NRG2: variants seen among roughly 807,000 people sequenced by gnomAD.
NRG2 encodes pro-neuregulin-2, membrane-bound isoform.
A neutral mutation model predicts 73.9 loss-of-function variants in NRG2; 27 were observed. The ratio of observed to expected loss-of-function variants is 0.37; its 90% confidence interval spans 0.27 to 0.50. NRG2 has a LOEUF of 0.50. NRG2 is among the 20% of genes least tolerant of loss of function. NRG2 has a pLI of 0.96. For synonymous variants in NRG2, 532 were observed against 541.0 expected, an observed-to-expected ratio of 0.98 and a Z score of 0.23; for missense variants, 1,126 against 1,210.1, an observed-to-expected ratio of 0.93 and a Z score of 1.03.
chr5:139,949,799 T>C (rs1754058543), intron 1 of NRG2, among the ~76,000 whole-genome samples: 1 of 152,228 alleles, frequency 6.6e-6, no homozygotes, highest in South Asian at 2.1e-4. Flanking sequence ...TAGGTGTTCA[T>C]ATTTACCAGC....
chr5:139,965,619 T>C (rs1256328374), intron 1 of NRG2, among the ~76,000 whole-genome samples: 1 of 152,242 alleles, frequency 6.6e-6, no homozygotes, highest in Non-Finnish European at 1.5e-5. Flanking sequence ...CTGACACTTC[T>C]GCTGATGAAT....
At chr5:140,031,837 T>C (rs891123404) in intron 1 of NRG2, among the ~76,000 whole-genome samples, 6 of 151,968 alleles carry the variant, frequency 3.9e-5, no homozygotes, top group Admixed American at 2.0e-4. Flanking sequence ...TTCTGAAAGG[T>C]GGTGTCTAAC....
chr5:139,910,577 T>A (rs536584299), intron 1 of NRG2, among the ~76,000 whole-genome samples: 3 of 152,334 alleles, frequency 2.0e-5, no homozygotes, highest in African/African-American at 7.2e-5. Flanking sequence ...AATTCATCTC[T>A]CATCTCCCTG....
At chr5:139,976,464 C>G (rs1756392168) in intron 1 of NRG2, among the ~76,000 whole-genome samples, 2 of 152,168 alleles carry the variant, frequency 1.3e-5, no homozygotes, top group South Asian at 2.1e-4. Context: ...TGATCTATTG[C>G]AGTGATTTGC....
At position 139,923,349 on chromosome 5, in the gene NRG2, A is replaced by G. The variant is rs1294342518; in HGVS notation, c.701-35838T>C. 2.6e-5 allele frequency among the ~76,000 whole-genome samples: 4 copies of G among 152,192 alleles called. No homozygotes were observed. The East Asian group carries it at 7.7e-4, about 29-fold the overall frequency. On this transcript the variant is annotated intron_variant, in intron 1 of 9. Coordinates refer to ENST00000361474, the MANE Select transcript of NRG2 (RefSeq NM_004883.3). ...CATGCTCTTACCCTTATTAAAATGT[A>G]TCTTGCGCTCTCTAGGAGTCTCCTA... is the stretch of plus-strand genomic sequence containing the variant.
At position 139,954,162 on chromosome 5, in the gene NRG2, C is replaced by T. The variant is rs1345495209; in HGVS notation, c.701-66651G>A. Among the ~76,000 whole-genome samples the T allele has an allele frequency of 2.6e-5, 4 of 152,132 alleles. No individual in the cohort carries two copies. Among genetic ancestry groups the T allele is most frequent in the South Asian group, 2.1e-4 (1 of 4,822 alleles). On this transcript the variant is annotated intron_variant, in intron 1 of 9. Transcript: ENST00000361474. This position sits in a 1 kb window ranked among gnomAD's most constrained non-coding sequence, Gnocchi z 5.0. ...TCTCTCCCCTTGCCTCCTGCACGAT[C>T]GTGGCAAGACAACTGCTTCTCATTA... is the stretch of plus-strand genomic sequence containing the variant.
At chr5:139,906,840 A>C (rs924078822) in intron 1 of NRG2, among the ~76,000 whole-genome samples, 2 of 152,260 alleles carry the variant, frequency 1.3e-5, no homozygotes, top group African/African-American at 4.8e-5. Flanking sequence ...GGAAACACTT[A>C]AACTGGGATT....
Position 140,042,984 on chromosome 5 carries a change from C to A in NRG2, c.86G>T (p.Ser29Ile). The stretch of plus-strand genomic sequence containing the variant: ...GCTGCTGCTGCTGCTCCTCTCGCTG[C>A]TGCTGCTGCTGCTGTCGCTGTAGCT... The part of the protein sequence containing the change: ...CSSYSDSSSS[S>I]SERSSSSSSS... Residue 29 changes from serine to isoleucine, a missense_variant, in exon 1 of 10, where the codon AGC becomes ATC. Transcript: ENST00000361474. 1 of 1,554,728 alleles carries A rather than the reference C, an allele frequency of 6.4e-7. No individual in the cohort carries two copies.
intron 1 of NRG2, among the ~76,000 whole-genome samples, chr5:140,006,775 T>C (rs182248016): frequency 4.6e-5 from 7 of 152,358 alleles, no homozygotes; most frequent in Admixed American, 2.6e-4. Flanking sequence ...ACAGATCCTT[T>C]AAATTTTTCT....
In NRG2 at chr5:139,859,815, C is replaced by T. The variant is rs1561630749; in HGVS notation, c.1190-4037G>A. 3 of 1,495,288 alleles carry T rather than the reference C, an allele frequency of 2.0e-6. No individual in the cohort carries two copies. In the South Asian group the frequency reaches 3.5e-5, roughly 18 times the overall value. 92.6% of individuals were successfully genotyped at this position (1,495,288 alleles called of 1,614,324 possible). A position where few individuals can be genotyped will look rare whatever the true frequency, so the allele number is the denominator to read the frequency against. On this transcript the variant is annotated intron_variant, in intron 5 of 9. Transcript: ENST00000361474. The stretch of plus-strand genomic sequence containing the variant: ...TTTTTTGGAAAGGAAACCAAACATT[C>T]AGCACACATGGCATCGGAGGCTGTG...
intron 1 of NRG2, among the ~76,000 whole-genome samples, chr5:140,014,488 C>T (rs1759617407): frequency 6.6e-6 from 1 of 152,188 alleles, no homozygotes; most frequent in Non-Finnish European, 1.5e-5. Context: ...TCGCCCGTCT[C>T]AGCCTCCCAA....
At chr5:139,907,112 G>A (rs187405256) in intron 1 of NRG2, among the ~76,000 whole-genome samples, 5 of 152,226 alleles carry the variant, frequency 3.3e-5, no homozygotes, top group African/African-American at 1.2e-4. Flanking sequence ...TGTCTAAGGT[G>A]TGTGTGTGTA....
intron 1 of NRG2, among the ~76,000 whole-genome samples, chr5:139,914,831 G>C (rs546011375): frequency 7.8e-4 from 119 of 152,306 alleles, no homozygotes; most frequent in African/African-American, 2.8e-3. Context: ...TTGCCCTACA[G>C]CTCCCAGTTC....
Position 139,863,811 on chromosome 5 carries a change from C to T in NRG2, c.1189+1738G>A, listed in dbSNP as rs532656893. Among the ~76,000 whole-genome samples, 8 of 152,322 alleles carry T rather than the reference C, an allele frequency of 5.3e-5. No individual in the cohort carries two copies. In the South Asian group the frequency reaches 1.7e-3, roughly 32 times the overall value. The stretch of plus-strand genomic sequence containing the variant: ...CACAGGCTCTGCCCTTCCTCCTTGG[C>T]CTCCCACACTCTATTAAGATAGTTG... On this transcript the variant is annotated intron_variant, in intron 5 of 9. Transcript: ENST00000361474.
chr5:139,944,844 G>C (rs1329043383), intron 1 of NRG2, among the ~76,000 whole-genome samples: 2 of 152,110 alleles, frequency 1.3e-5, no homozygotes, highest in African/African-American at 4.8e-5. Flanking sequence ...GTTTTCCATA[G>C]TGGCTGTACT....
chr5:140,024,312 T>TG (rs1388771916), intron 1 of NRG2, among the ~76,000 whole-genome samples: 1 of 151,742 alleles, frequency 6.6e-6, no homozygotes, highest in Non-Finnish European at 1.5e-5. Context: ...TGGAGTGCAG[T>TG]GGCGCGATCT....
At chr5:139,896,685 GTC>G (rs2127156237) in intron 1 of NRG2, among the ~76,000 whole-genome samples, 2 of 152,224 alleles carry the variant, frequency 1.3e-5, no homozygotes, top group Non-Finnish European at 2.9e-5. Flanking sequence ...ACAACCCTGT[GTC>G]TCTCTTGACT....
At chr5:139,860,260 G>A (rs1473610275) in intron 5 of NRG2, among the ~76,000 whole-genome samples, 1 of 152,148 alleles carries the variant, frequency 6.6e-6, no homozygotes, top group African/African-American at 2.4e-5. Context: ...AGTGGGGGTG[G>A]GGGTCTCAGG....
intron 1 of NRG2, among the ~76,000 whole-genome samples, chr5:139,957,187 A>T (rs542872202): frequency 4.6e-5 from 7 of 151,978 alleles, no homozygotes; most frequent in Admixed American, 3.9e-4. Context: ...GGGCTGCAAG[A>T]CTCTCATGGT....
Sources: allele counts gnomAD v4.1 joint callset (sites outside exome capture counted in the v4.1 genomes callset), GRCh38; gene constraint gnomAD v4.1.1; non-coding constraint Gnocchi (gnomAD v3.1); transcripts MANE v1.5; gene names NCBI Gene and HGNC (gene_info 2026-07-23, HGNC 2026-07-21).